The following TLE3 variants were observed in gnomAD, a reference collection of about 807,000 sequenced individuals.
TLE3 encodes the protein transducin-like enhancer protein 3.
TLE3 carries 14 observed loss-of-function variants against 93.0 expected under a neutral mutation model. The observed-to-expected ratio is 0.15, with a 90% CI of 0.10 to 0.24. The LOEUF (loss-of-function observed/expected upper bound fraction) is 0.24, where lower values mean the gene tolerates loss of function less well. Among genes scored for constraint, TLE3 ranks in the 10% least tolerant of loss-of-function variants. The probability of loss-of-function intolerance (pLI) is 1.00; values close to 1 mark genes in which losing one functional copy is unlikely to be tolerated. For synonymous variants in TLE3, 451 were observed against 425.0 expected, an observed-to-expected ratio of 1.06 and a Z score of -0.75; for missense variants, 693 against 1,046.6, an observed-to-expected ratio of 0.66 and a Z score of 4.66.
intron 14 of TLE3, 47 bp from the exon 15 acceptor site, chr15:70,055,345 CAG>C: frequency 6.5e-7 from 1 of 1,534,424 alleles, no homozygotes; most frequent in Non-Finnish European, 8.7e-7. Flanking sequence ...CCCGGCCCCT[CAG>C]AGTTCCCATA....
At position 70,097,455 on chromosome 15, in the gene TLE3, C is replaced by T. The variant is rs941946768; in HGVS notation, c.-657G>A. Reference sequence around the variant, plus strand: ...GCTGTTCCGTCTGCTACTGCCGCTGCCGCCGCCGCCGCCGCCGCTGCAAGC... The same window carrying T: ...GCTGTTCCGTCTGCTACTGCCGCTGTCGCCGCCGCCGCCGCCGCTGCAAGC... On this transcript the variant is annotated 5_prime_UTR_variant, in exon 1 of 20. Coordinates refer to ENST00000451782, the MANE Select transcript of TLE3 (RefSeq NM_001105192.3). The T allele has an allele frequency of 1.2e-5, 5 of 410,080 alleles. No homozygotes were observed. Among genetic ancestry groups the T allele is most frequent in the African/African-American group, 6.2e-5 (3 of 48,516 alleles). 25.4% of individuals were successfully genotyped at this position (410,080 alleles called of 1,614,324 possible). A position where few individuals can be genotyped will look rare whatever the true frequency, so the allele number is the denominator to read the frequency against.
rs1037943743 is a variant in TLE3, at chr15:70,097,341, G to A, written c.-543C>T. 1.5e-5 allele frequency: 6 copies of A among 403,850 alleles called. No individual in the cohort carries two copies. The highest frequency in any genetic ancestry group is 2.2e-5 in the Non-Finnish European group (5 of 229,684). 25.0% of individuals were successfully genotyped at this position (403,850 alleles called of 1,614,324 possible). A position where few individuals can be genotyped will look rare whatever the true frequency, so the allele number is the denominator to read the frequency against. ...GAAGAGGAAGGAGGCGGGCTACGAG[G>A]TGGTGGCTTGGGGCCGCAGGAGCGC... On this transcript the variant is annotated 5_prime_UTR_variant, in exon 1 of 20. Coordinates refer to ENST00000451782, the MANE Select transcript of TLE3 (RefSeq NM_001105192.3).
At chr15:70,096,437 C>T in intron 1 of TLE3, 176 bp from the exon 2 acceptor site, 2 of 1,253,128 alleles carry the variant, frequency 1.6e-6, no homozygotes, top group Non-Finnish European at 2.2e-6. Context: ...CATCTCTCCC[C>T]GTCGGCAGCG....
intron 4 of TLE3, among the ~76,000 whole-genome samples, chr15:70,089,676 G>A (rs927342618): frequency 6.6e-6 from 1 of 152,200 alleles, no homozygotes; most frequent in Non-Finnish European, 1.5e-5. Context: ...AATGAGACGA[G>A]GAATGAGTGC....
At chr15:70,074,100 A>G (rs891863950) in intron 6 of TLE3, among the ~76,000 whole-genome samples, 1 of 152,268 alleles carries the variant, frequency 6.6e-6, no homozygotes, top group Admixed American at 6.5e-5. Context: ...ACAGTACAGC[A>G]GAGACTGTTC....
chr15:70,050,698 C>T (rs1276863492), intron 19 of TLE3: 1 of 155,158 alleles, frequency 6.4e-6, no homozygotes, highest in Non-Finnish European at 1.4e-5. Flanking sequence ...GACATTTCAG[C>T]CTGGGTCCAG....
At chr15:70,054,417 T>C (rs1449642660) in intron 16 of TLE3, 21 bp downstream of exon 16, 1 of 1,604,394 alleles carries the variant, frequency 6.2e-7, no homozygotes, top group Non-Finnish European at 8.5e-7. Context: ...GAGGCACTAA[T>C]GCTCCCTCCT....
At chr15:70,056,224 T>G in intron 14 of TLE3, 74 bp downstream of exon 14, 1 of 1,475,154 alleles carries the variant, frequency 6.8e-7, no homozygotes, top group Non-Finnish European at 9.5e-7. Flanking sequence ...ATGAGGGGCG[T>G]TGTTGGAATT....
chr15:70,068,131 A>G (rs2056931152), intron 6 of TLE3, among the ~76,000 whole-genome samples: 1 of 152,252 alleles, frequency 6.6e-6, no homozygotes, highest in Admixed American at 6.5e-5. Context: ...TACAAAACTA[A>G]TACATGCCCA....
At chr15:70,090,135 C>A (rs139879490) in intron 4 of TLE3, among the ~76,000 whole-genome samples, 8 of 152,328 alleles carry the variant, frequency 5.3e-5, no homozygotes, top group African/African-American at 1.9e-4. Flanking sequence ...AGGGGTGGGG[C>A]AACCTCCCTC....
rs1433984938 is a variant in TLE3 at position 70,066,078 on chromosome 15, G to A, written c.513C>T (p.Ala171=). 6.2e-7 allele frequency: 1 copy of A among 1,600,570 alleles called. No homozygotes were observed. Among genetic ancestry groups the A allele is most frequent in the South Asian group, 1.1e-5 (1 of 88,822 alleles). Residue 171 remains alanine (A), a synonymous_variant, in exon 7 of 20, where the codon GCC becomes GCT. Transcript: ENST00000451782. ...CCGTCAGATGGGCCTGGCTGCCCAG[G>A]GCGCCCAGTGCCAGCAGCCCGGAGC... ...GSSSGLLALG[A]LGSQAHLTVK...
intron 4 of TLE3, among the ~76,000 whole-genome samples, chr15:70,090,886 T>G (rs150951952): frequency 1.3e-5 from 2 of 152,328 alleles, no homozygotes; most frequent in East Asian, 3.9e-4. Flanking sequence ...ACTTTGGACT[T>G]TGGTGGGGCC....
At chr15:70,072,454 A>G (rs998524515) in intron 6 of TLE3, among the ~76,000 whole-genome samples, 2 of 152,164 alleles carry the variant, frequency 1.3e-5, no homozygotes, top group Non-Finnish European at 2.9e-5. Context: ...GAAATGTCGG[A>G]AAACAGAATT....
At chr15:70,057,032 C>T (rs1023851649) in intron 13 of TLE3, among the ~76,000 whole-genome samples, 5 of 152,344 alleles carry the variant, frequency 3.3e-5, no homozygotes, top group Admixed American at 2.6e-4. Flanking sequence ...GGATTACAGG[C>T]GTGAGCCACT....
rs566197394 is a variant in TLE3, at chr15:70,082,598, G to A, written c.235-6440C>T. On this transcript the variant is annotated intron_variant, in intron 4 of 19. Coordinates refer to ENST00000451782, the MANE Select transcript of TLE3 (RefSeq NM_001105192.3). ...TGATCAAATTATATATAACTACAAC[G>A]CCATTAAATATTTATGCCCTCCGAG... is the stretch of plus-strand genomic sequence containing the variant. Among the ~76,000 whole-genome samples, 514 of 152,268 alleles carry A rather than the reference G, an allele frequency of 3.4e-3. 2 individuals are homozygous for A. The highest frequency in any genetic ancestry group is 5.5e-3 in the Non-Finnish European group (371 of 68,034).
intron 6 of TLE3, among the ~76,000 whole-genome samples, chr15:70,070,217 C>T (rs562654587): frequency 1.3e-5 from 2 of 152,334 alleles, no homozygotes; most frequent in South Asian, 2.1e-4. Flanking sequence ...AATAGGACAA[C>T]GAACATGTAC....
intron 8 of TLE3, among the ~76,000 whole-genome samples, chr15:70,061,816 C>T (rs2056493245): frequency 6.6e-6 from 1 of 152,174 alleles, no homozygotes; most frequent in South Asian, 2.1e-4. Flanking sequence ...GCTCATGGTC[C>T]AGCTATGATG....
intron 6 of TLE3, among the ~76,000 whole-genome samples, chr15:70,074,292 G>A (rs995691325): frequency 1.3e-5 from 2 of 152,238 alleles, no homozygotes; most frequent in African/African-American, 4.8e-5. Context: ...GCAGATGGCT[G>A]AAGAGGTGGA....
intron 6 of TLE3, among the ~76,000 whole-genome samples, chr15:70,070,961 T>C (rs1485040826): frequency 6.6e-6 from 1 of 152,160 alleles, no homozygotes; most frequent in East Asian, 1.9e-4. Flanking sequence ...CAATGCTCTG[T>C]GACATCTCCC....
Sources: gnomAD v4.1 joint callset for allele counts (sites outside exome capture counted in the v4.1 genomes callset) on GRCh38, gnomAD v4.1.1 for gene constraint, MANE v1.5 for transcripts, NCBI Gene and HGNC (gene_info 2026-07-23, HGNC 2026-07-21) for gene names.